The following SLC22A24 variants were observed in gnomAD, a reference collection of about 807,000 sequenced individuals.
The protein encoded by SLC22A24 is solute carrier family 22 member 24, also known as steroid transmembrane transporter SLC22A24.
Under a neutral mutation model 49.8 loss-of-function variants are expected in SLC22A24, and 53 were observed. The ratio of observed to expected loss-of-function variants is 1.06; its 90% CI spans 0.85 to 1.34. The LOEUF is 1.34. SLC22A24 is among the 40% of genes most tolerant of loss of function. SLC22A24 has a pLI of 0.00. For missense variants in SLC22A24, 786 were observed against 675.9 expected (o/e 1.16, Z -1.81); for synonymous variants, 302 against 256.4 (o/e 1.18, Z -1.70).
At chr11:63,107,992 G>A (rs1017957762) in intron 4 of SLC22A24, among the ~76,000 whole-genome samples, 3 of 152,088 alleles carry the variant, frequency 2.0e-5, no homozygotes, top group African/African-American at 4.8e-5. Context: ...TGGTGAGAGA[G>A]GGCATCCCTG....
In SLC22A24 at chr11:63,083,273, A is replaced by G. The variant is rs766921760; in HGVS notation, c.1255T>C (p.Phe419Leu). 2.1e-5 allele frequency: 32 copies of G among 1,559,458 alleles called. No individual in the cohort carries two copies. Among genetic ancestry groups the G allele is most frequent in the Non-Finnish European group, 2.7e-5 (31 of 1,150,724 alleles). Reference sequence around the variant, plus strand: ...GGCAAAAAGGTGTTGACCAGAATGAAAAGTCCCACCGGGAACGTGAACAAT... The same window carrying G: ...GGCAAAAAGGTGTTGACCAGAATGAGAAGTCCCACCGGGAACGTGAACAAT... Reference protein sequence around the residue: ...QILFTFPVGLFILVNTFLPQE... With the variant: ...QILFTFPVGLLILVNTFLPQE... The change falls in exon 7 of 10, where the codon TTC becomes CTC. Residue 419 changes from phenylalanine to leucine, a missense_variant. By Grantham distance (22) the Phe-to-Leu change is conservative. Transcript: ENST00000612278.
At chr11:63,135,477 A>G (rs903668331) in intron 1 of SLC22A24, among the ~76,000 whole-genome samples, 5 of 152,236 alleles carry the variant, frequency 3.3e-5, no homozygotes, top group African/African-American at 4.8e-5. Flanking sequence ...TAAATGACAT[A>G]GTAACAGGTT....
intron 2 of SLC22A24, among the ~76,000 whole-genome samples, chr11:63,120,712 A>T (rs2087245939): frequency 6.6e-6 from 1 of 152,102 alleles, no homozygotes. Context: ...ATACAAACAA[A>T]CTTTAGTTTT....
chr11:63,083,540 C>T (rs1368260823), intron 6 of SLC22A24, 83 bp from the exon 7 acceptor site: 2 of 1,150,192 alleles, frequency 1.7e-6, no homozygotes, highest in Non-Finnish European at 2.5e-6. Flanking sequence ...AAGGTAAGTC[C>T]TACAAATGAT....
chr11:63,137,796 G>A (rs548783445), intron 1 of SLC22A24: 2 of 152,306 alleles, frequency 1.3e-5, no homozygotes, highest in South Asian at 4.1e-4. Flanking sequence ...TAGCACAAGT[G>A]AGCAGGATCA....
Position 63,113,175 on chromosome 11 carries a change from T to TAC in SLC22A24, c.830+5735_830+5736dup, listed in dbSNP as rs1555048914. The stretch of plus-strand genomic sequence containing the variant: ...ATACATATATATATACACATATATA[T>TAC]ACATATATATATACACATATATATA... On this transcript the variant is annotated intron_variant, in intron 4 of 9. Coordinates refer to ENST00000612278, the MANE Select transcript of SLC22A24 (RefSeq NM_001136506.2). Among the ~76,000 whole-genome samples, 50 of 7,262 alleles carry TAC rather than the reference T, an allele frequency of 6.9e-3. 21 individuals carry two copies. Among genetic ancestry groups the TAC allele is most frequent in the South Asian group, 0.023 (2 of 88 alleles). 4.8% of individuals were successfully genotyped at this position (7,262 alleles called of 152,430 possible). A position where few individuals can be genotyped will look rare whatever the true frequency, so the allele number is the denominator to read the frequency against.
chr11:63,134,710 G>A lies in SLC22A24; in HGVS notation c.461C>T (p.Ala154Val). 1 of 1,560,082 alleles carries A rather than the reference G, an allele frequency of 6.4e-7. No homozygotes were observed. Among genetic ancestry groups the A allele is most frequent in the Non-Finnish European group, 8.7e-7 (1 of 1,150,896 alleles). ...LKSMVQSLFM[A>V]GSLLGGLIYG... ...TATTAGACCTCCCAGAAGTGACCCA[G>A]CCATAAATAGGGATTGAACCATTGA... Residue 154 changes from alanine (A) to valine (V), a missense_variant, in exon 2 of 10, where the codon GCT becomes GTT. Physicochemically the swap from Ala to Val is moderately conservative, Grantham distance 64. Coordinates refer to ENST00000612278, the MANE Select transcript of SLC22A24 (RefSeq NM_001136506.2).
At chr11:63,121,755 A>G (rs1364417824) in intron 2 of SLC22A24, among the ~76,000 whole-genome samples, 1 of 152,068 alleles carries the variant, frequency 6.6e-6, no homozygotes, top group African/African-American at 2.4e-5. Flanking sequence ...ATCATTTAGC[A>G]TTAGGTATAT....
chr11:63,082,198 G>T (rs186034566), intron 7 of SLC22A24, among the ~76,000 whole-genome samples: 128 of 152,272 alleles, frequency 8.4e-4, no homozygotes, highest in African/African-American at 3.0e-3. Flanking sequence ...AGTAAGAAAA[G>T]GACTGGGTTT....
chr11:63,118,664 A>G (rs2087228612), intron 4 of SLC22A24: 2 of 547,888 alleles, frequency 3.7e-6, no homozygotes, highest in African/African-American at 1.9e-5. Flanking sequence ...ATAAGTGGGT[A>G]TTTTTTCTAT....
chr11:63,082,599 C>T (rs2086966203), intron 7 of SLC22A24, among the ~76,000 whole-genome samples: 2 of 152,182 alleles, frequency 1.3e-5, no homozygotes, highest in Non-Finnish European at 2.9e-5. Flanking sequence ...GCTTCTTAAT[C>T]TGTTCCTTGT....
chr11:63,107,066 C>G (rs1052266823), intron 4 of SLC22A24, among the ~76,000 whole-genome samples: 5 of 152,106 alleles, frequency 3.3e-5, no homozygotes, highest in Admixed American at 2.6e-4. Flanking sequence ...GGTTTTAGAT[C>G]TAACATTTAA....
At chr11:63,119,436 C>G in intron 2 of SLC22A24, 101 bp from the exon 3 acceptor site, 1 of 1,154,872 alleles carries the variant, frequency 8.7e-7, no homozygotes, top group Non-Finnish European at 1.2e-6. Context: ...AAATGTTTAA[C>G]AAGTGGAACA....
intron 4 of SLC22A24, among the ~76,000 whole-genome samples, chr11:63,109,602 G>A (rs2087147561): frequency 6.7e-6 from 1 of 150,222 alleles, no homozygotes; most frequent in Non-Finnish European, 1.5e-5. Context: ...GGCCAGTGAT[G>A]GTGAGCATTT....
chr11:63,112,973 C>T (rs1157224633), intron 4 of SLC22A24, among the ~76,000 whole-genome samples: 2 of 139,954 alleles, frequency 1.4e-5, no homozygotes, highest in Non-Finnish European at 3.0e-5. Context: ...CAAGTTTGTG[C>T]CACTGGACTC....
intron 4 of SLC22A24, among the ~76,000 whole-genome samples, chr11:63,109,789 T>G (rs868139456): frequency 2.0e-3 from 299 of 151,974 alleles, no homozygotes; most frequent in African/African-American, 6.0e-3. Context: ...TTCTCCCATT[T>G]TGTAGGTTGC....
intron 2 of SLC22A24, among the ~76,000 whole-genome samples, chr11:63,125,335 A>G (rs1206578870): frequency 6.6e-6 from 1 of 151,800 alleles, no homozygotes; most frequent in East Asian, 1.9e-4. Flanking sequence ...AGGCCCTGGT[A>G]TGTGATGTTC....
At chr11:63,138,085 A>G (rs563264348) in intron 1 of SLC22A24, among the ~76,000 whole-genome samples, 10 of 152,284 alleles carry the variant, frequency 6.6e-5, no homozygotes, top group African/African-American at 1.9e-4. Flanking sequence ...TATCAACAGG[A>G]TAGAACGTGG....
At chr11:63,103,009 A>G (rs924045381) in intron 5 of SLC22A24, among the ~76,000 whole-genome samples, 5 of 152,178 alleles carry the variant, frequency 3.3e-5, no homozygotes, top group African/African-American at 9.6e-5. Context: ...AGAACTACAT[A>G]TAAGTAGGCT....
Sources: gnomAD v4.1 joint callset for allele counts (sites outside exome capture counted in the v4.1 genomes callset) on GRCh38, gnomAD v4.1.1 for gene constraint, MANE v1.5 for transcripts, NCBI Gene and HGNC (gene_info 2026-07-23, HGNC 2026-07-21) for gene names.